The following SIPA1L2 variants were observed in gnomAD, a reference collection of about 807,000 sequenced individuals.
SIPA1L2 encodes the protein signal induced proliferation associated 1 like 2.
SIPA1L2 carries 56 observed loss-of-function variants against 163.9 expected under a neutral mutation model. The observed-to-expected ratio is 0.34, with a 90% confidence interval of 0.28 to 0.43. SIPA1L2 has a LOEUF of 0.43. Among genes scored for constraint, SIPA1L2 ranks in the 20% least tolerant of loss-of-function variants. The probability of loss-of-function intolerance (pLI) is 1.00; values close to 1 mark genes in which losing one functional copy is unlikely to be tolerated. For missense variants in SIPA1L2, 1,974 were observed against 2,193.5 expected, an observed-to-expected ratio of 0.90 and a Z score of 2.00; for synonymous variants, 877 against 865.7, an observed-to-expected ratio of 1.01 and a Z score of -0.23.
intron 2 of SIPA1L2, among the ~76,000 whole-genome samples, chr1:232,565,163 A>G (rs1465807829): frequency 6.6e-6 from 1 of 152,264 alleles, no homozygotes; most frequent in East Asian, 1.9e-4. Flanking sequence ...ATCAACAAGC[A>G]TCGTCTGGAT....
chr1:232,444,429 T>C (rs1252899058), intron 11 of SIPA1L2, among the ~76,000 whole-genome samples: 1 of 152,164 alleles, frequency 6.6e-6, no homozygotes, highest in Non-Finnish European at 1.5e-5. Flanking sequence ...TTTCTTTGAA[T>C]ATGGGAAAGT....
chr1:232,413,920 T>TTACC (rs1319771237), intron 19 of SIPA1L2, among the ~76,000 whole-genome samples: 1 of 152,112 alleles, frequency 6.6e-6, no homozygotes, highest in Non-Finnish European at 1.5e-5. Context: ...GAAAATGGTG[T>TTACC]TACCTCCCCT....
At chr1:232,542,512 T>G (rs76958410) in intron 2 of SIPA1L2, among the ~76,000 whole-genome samples, 2,493 of 152,312 alleles carry the variant, frequency 0.016, 64 homozygotes, top group African/African-American at 0.056. Context: ...TATCTGTTCA[T>G]GTCCAGTCTT....
intron 21 of SIPA1L2, chr1:232,402,760 C>A (rs1436063242): frequency 9.2e-6 from 2 of 218,534 alleles, no homozygotes; most frequent in Non-Finnish European, 9.2e-6. Context: ...CAAGGAAGAC[C>A]CAAATGAAGT....
intron 14 of SIPA1L2, 36 bp from the exon 15 acceptor site, chr1:232,439,532 A>C: frequency 6.3e-7 from 1 of 1,579,604 alleles, no homozygotes; most frequent in South Asian, 1.2e-5. Context: ...TTCTCAAGTG[A>C]ATCTTGAACT....
chr1:232,624,197 T>C (rs1368266752), intron 1 of SIPA1L2, among the ~76,000 whole-genome samples: 1 of 152,150 alleles, frequency 6.6e-6, no homozygotes, highest in East Asian at 1.9e-4. Context: ...TGAAAAAAGT[T>C]TGAGAACCTT....
intron 1 of SIPA1L2, among the ~76,000 whole-genome samples, chr1:232,626,675 A>T (rs1663093603): frequency 6.6e-6 from 1 of 152,212 alleles, no homozygotes; most frequent in African/African-American, 2.4e-5. Flanking sequence ...TTTCAAGGTA[A>T]ACCAAGTAGC....
chr1:232,527,566 C>T (rs1667765636), intron 2 of SIPA1L2, among the ~76,000 whole-genome samples: 1 of 151,502 alleles, frequency 6.6e-6, no homozygotes, highest in Non-Finnish European at 1.5e-5. Flanking sequence ...TTACAGATGC[C>T]CACTAATTAA....
intron 1 of SIPA1L2, among the ~76,000 whole-genome samples, chr1:232,575,953 T>C (rs1660054225): frequency 6.6e-6 from 1 of 152,224 alleles, no homozygotes; most frequent in Non-Finnish European, 1.5e-5. Context: ...ATTCCATTTA[T>C]ATGAGGTATG....
At position 232,445,641 on chromosome 1, in the gene SIPA1L2, A is replaced by T; in HGVS notation, c.3241T>A (p.Ser1081Thr). 6.2e-7 allele frequency: 1 copy of T among 1,613,780 alleles called. No individual in the cohort carries two copies. Among genetic ancestry groups the T allele is most frequent in the Non-Finnish European group, 8.5e-7 (1 of 1,179,934 alleles). Residue 1081 changes from serine (S) to threonine (T), a missense_variant, in exon 11 of 23, where the codon TCC becomes ACC. Around this residue, in one of 3 missense-constraint regions of SIPA1L2, gnomAD observed 1,079 missense variants for 1,150.7 expected, o/e 0.94. Transcript: ENST00000674635. Reference protein sequence around the residue: ...TPALQPLSRASPIPGTPDRLP... With the variant: ...TPALQPLSRATPIPGTPDRLP... The stretch of plus-strand genomic sequence containing the variant: ...CGGTCGGGCGTGCCGGGGATGGGGG[A>T]AGCTCTAGAGAGGGGCTGCAGGGCA...
intron 2 of SIPA1L2, among the ~76,000 whole-genome samples, chr1:232,519,816 C>T (rs1334203621): frequency 6.6e-6 from 1 of 152,182 alleles, no homozygotes; most frequent in Non-Finnish European, 1.5e-5. Flanking sequence ...TCCCTCCTGC[C>T]TTATTCTAAT....
chr1:232,519,313 T>C (rs1387162881), intron 2 of SIPA1L2, among the ~76,000 whole-genome samples: 4 of 152,232 alleles, frequency 2.6e-5, no homozygotes, highest in African/African-American at 4.8e-5. Context: ...CGGCCAATCC[T>C]GCCACCAGTC....
intron 2 of SIPA1L2, among the ~76,000 whole-genome samples, chr1:232,561,847 C>T (rs1485906846): frequency 2.0e-5 from 3 of 152,148 alleles, no homozygotes; most frequent in East Asian, 1.9e-4. Context: ...CACAGGGCAG[C>T]GTGTGGAATG....
At chr1:232,607,831 G>A (rs1297958817) in intron 1 of SIPA1L2, among the ~76,000 whole-genome samples, 2 of 150,766 alleles carry the variant, frequency 1.3e-5, no homozygotes, top group Non-Finnish European at 3.0e-5. Context: ...AGAGGCAGGC[G>A]GATCACCTTA....
At chr1:232,545,971 T>TC (rs1235093898) in intron 2 of SIPA1L2, among the ~76,000 whole-genome samples, 2 of 152,198 alleles carry the variant, frequency 1.3e-5, no homozygotes, top group Non-Finnish European at 2.9e-5. Flanking sequence ...GTTTCTTTCT[T>TC]CCCTTCTCTT....
intron 10 of SIPA1L2, among the ~76,000 whole-genome samples, chr1:232,448,315 T>C (rs4649374): frequency 0.31 from 47,818 of 152,096 alleles, 8,301 homozygotes; most frequent in East Asian, 0.56. Flanking sequence ...ATTTACCATG[T>C]TGGCAAACCA....
At chr1:232,567,624 A>G (rs2102765177) in intron 2 of SIPA1L2, among the ~76,000 whole-genome samples, 1 of 152,382 alleles carries the variant, frequency 6.6e-6, no homozygotes, top group Admixed American at 6.5e-5. Flanking sequence ...CTAGTCCATG[A>G]GAAACCAGCG....
chr1:232,570,696 A>G (rs1355506542), intron 2 of SIPA1L2, among the ~76,000 whole-genome samples: 3 of 152,206 alleles, frequency 2.0e-5, no homozygotes, highest in Non-Finnish European at 2.9e-5. Context: ...CTGTGCTCTT[A>G]AAGACATCAT....
chr1:232,597,886 G>A (rs1049597649), intron 1 of SIPA1L2, among the ~76,000 whole-genome samples: 6 of 151,904 alleles, frequency 3.9e-5, no homozygotes, highest in Non-Finnish European at 8.8e-5. Flanking sequence ...TGAGGCACCC[G>A]AAAGAACACT....
Sources: allele counts gnomAD v4.1 joint callset (sites outside exome capture counted in the v4.1 genomes callset), GRCh38; gene constraint gnomAD v4.1.1; regional missense constraint gnomAD v4.1.1; transcripts MANE v1.5; gene names NCBI Gene and HGNC (gene_info 2026-07-23, HGNC 2026-07-21).